Variants in TAOK1 observed in about 807,000 individuals in gnomAD.
The protein encoded by TAOK1 is TAO kinase 1, also known as serine/threonine-protein kinase TAO1.
A neutral mutation model predicts 138.3 loss-of-function variants in TAOK1; 21 were observed. The ratio of observed to expected loss-of-function variants is 0.15; its 90% CI spans 0.11 to 0.22. TAOK1 has a LOEUF of 0.22. Among genes scored for constraint, TAOK1 ranks in the 10% least tolerant of loss-of-function variants. The pLI is 1.00. For missense variants in TAOK1, 651 were observed against 1,227.7 expected (o/e 0.53, Z 7.02); for synonymous variants, 361 against 398.4 (o/e 0.91, Z 1.12).
chr17:29,453,040 C>T (rs2153024365), intron 2 of TAOK1, among the ~76,000 whole-genome samples: 1 of 152,162 alleles, frequency 6.6e-6, no homozygotes, highest in African/African-American at 2.4e-5. Context: ...GTTTGTGGGA[C>T]TGCCTAACTG....
chr17:29,445,333 A>G (rs930935252), intron 1 of TAOK1: 19 of 152,400 alleles, frequency 1.2e-4, no homozygotes, highest in African/African-American at 4.6e-4. Flanking sequence ...TTTGCGTGTC[A>G]TCCTTGTGCA....
rs779844048 is a variant in TAOK1 at position 29,542,903 on chromosome 17, C to T, written c.2887C>T (p.Arg963Cys). The T allele has an allele frequency of 3.7e-6, 6 of 1,613,848 alleles. No homozygotes were observed. Among genetic ancestry groups the T allele is most frequent in the East Asian group, 2.2e-5 (1 of 44,880 alleles). The stretch of plus-strand genomic sequence containing the variant: ...ACCTCGAGGTAGCAGTATGGGAGTC[C>T]GCAATAGCCCCCAGGCTCTGAGGCG... ...GVPRGSSMGV[R>C]NSPQALRRTA... Residue 963 changes from arginine (R) to cysteine (C), a missense_variant, in exon 20 of 20, where the codon CGC (arginine) becomes TGC (cysteine). This residue lies in a region of TAOK1 where 108 missense variants were observed against 120.3 expected (regional missense o/e 0.90). Transcript: ENST00000261716.
chr17:29,423,020 G>GT (rs1373725818), intron 1 of TAOK1, among the ~76,000 whole-genome samples: 1 of 151,792 alleles, frequency 6.6e-6, no homozygotes, highest in Non-Finnish European at 1.5e-5. Flanking sequence ...GCAAGACACC[G>GT]TTTCAACGAC....
At chr17:29,439,420 G>C (rs1027666099) in intron 1 of TAOK1, among the ~76,000 whole-genome samples, 1 of 151,962 alleles carries the variant, frequency 6.6e-6, no homozygotes, top group Admixed American at 6.6e-5. Flanking sequence ...GATCAGGCTG[G>C]TCTTGAACTC....
At chr17:29,410,973 GCTGT>G (rs950857589) in intron 1 of TAOK1, among the ~76,000 whole-genome samples, 3 of 151,752 alleles carry the variant, frequency 2.0e-5, no homozygotes, top group East Asian at 1.9e-4. Context: ...TACTTAAAAG[GCTGT>G]CTTTTTCTCT....
chr17:29,542,795 G>A lies in TAOK1; in HGVS notation c.2779G>A (p.Gly927Ser), dbSNP rs1430340100. The stretch of plus-strand genomic sequence containing the variant: ...AGGACCTCACTGGGGTCATCCCATG[G>A]GTGGCCCACCACAAGCTTGGGGCCA... The part of the protein sequence containing the change: ...GPGPHWGHPM[G>S]GPPQAWGHPM... The change falls in exon 20 of 20, where the codon GGT becomes AGT. Residue 927 changes from glycine to serine, a missense_variant. Gly to Ser is a moderately conservative substitution (Grantham distance 56, BLOSUM62 0). Transcript: ENST00000261716. The A allele has an allele frequency of 6.2e-7, 1 of 1,614,108 alleles. No individual in the cohort carries two copies.
At chr17:29,511,161 G>A in intron 15 of TAOK1, 169 bp downstream of exon 15, 3 of 422,260 alleles carry the variant, frequency 7.1e-6, no homozygotes, top group Non-Finnish European at 1.2e-5. Flanking sequence ...CCTTAACTGA[G>A]TCATTTAGTT....
chr17:29,507,040 A>G (rs950288501), intron 13 of TAOK1, among the ~76,000 whole-genome samples: 2 of 152,220 alleles, frequency 1.3e-5, no homozygotes, highest in African/African-American at 2.4e-5. Context: ...CAGAATAAGT[A>G]TATCTATAGA....
chr17:29,492,765 C>G (rs2031323490), intron 10 of TAOK1, among the ~76,000 whole-genome samples: 1 of 152,014 alleles, frequency 6.6e-6, no homozygotes, highest in Non-Finnish European at 1.5e-5. Flanking sequence ...GCACTCCAGC[C>G]TGGGCAACAA....
At chr17:29,404,582 A>G (rs1904941327) in intron 1 of TAOK1, among the ~76,000 whole-genome samples, 1 of 152,184 alleles carries the variant, frequency 6.6e-6, no homozygotes, top group East Asian at 1.9e-4. Flanking sequence ...GCTTGAGCCC[A>G]GGAACTCAAG....
At chr17:29,400,344 C>T (rs1204996470) in intron 1 of TAOK1, among the ~76,000 whole-genome samples, 3 of 147,740 alleles carry the variant, frequency 2.0e-5, no homozygotes, top group Non-Finnish European at 4.4e-5. Context: ...GAGCCGAGAT[C>T]GCGCCATTGC....
intron 1 of TAOK1, among the ~76,000 whole-genome samples, chr17:29,409,537 G>A (rs529034558): frequency 1.9e-4 from 29 of 151,556 alleles, no homozygotes; most frequent in Non-Finnish European, 3.8e-4. Flanking sequence ...GTTTCACCAT[G>A]TTAGTCAGGA....
At position 29,476,100 on chromosome 17, in the gene TAOK1, C is replaced by T. The variant is rs534663484; in HGVS notation, c.306+329C>T. Among the ~76,000 whole-genome samples, 11 of 152,268 alleles carry T rather than the reference C, an allele frequency of 7.2e-5. No homozygotes were observed. The East Asian group carries it at 1.5e-3, about 21-fold the overall frequency. On this transcript the variant is annotated intron_variant, in intron 4 of 19. Transcript: ENST00000261716. ...TGAAAGTTAGCATATGTTTTCTTGA[C>T]ATAAATGTACTGTAATGCATTTAAC...
At chr17:29,435,721 G>A (rs1004360379) in intron 1 of TAOK1, among the ~76,000 whole-genome samples, 3 of 152,218 alleles carry the variant, frequency 2.0e-5, no homozygotes, top group African/African-American at 7.2e-5. Flanking sequence ...TTAAAGGGGA[G>A]CATACCCTTC....
intron 3 of TAOK1, among the ~76,000 whole-genome samples, chr17:29,475,072 C>T (rs1264151735): frequency 1.3e-5 from 2 of 151,980 alleles, no homozygotes; most frequent in East Asian, 3.9e-4. Context: ...TCCCGAGTAC[C>T]TGGGACTATA....
intron 1 of TAOK1, among the ~76,000 whole-genome samples, chr17:29,400,904 CTTTTTTT>C (rs10539936): frequency 5.7e-5 from 6 of 105,276 alleles, no homozygotes; most frequent in Non-Finnish European, 7.4e-5. Context: ...TTGTTTGCCT[CTTTTTTT>C]TTTTTTTTTT....
rs540330471 is a variant in TAOK1 at position 29,548,958 on chromosome 17, G to C, written c.*5936G>C. The C allele has an allele frequency of 6.6e-6, 1 of 152,250 alleles. No individual in the cohort carries two copies. Among genetic ancestry groups the C allele is most frequent in the African/African-American group, 2.4e-5 (1 of 41,556 alleles). The allele number at this position is 152,250 out of a possible 1,614,324, so 9.4% of individuals were successfully genotyped here. A position where few individuals can be genotyped will look rare whatever the true frequency, so the allele number is the denominator to read the frequency against. Reference sequence around the variant, plus strand: ...TGAAATAATTTTATTTAATATAAATGATCACATGTCCTCAATCATGAATGA... The same window carrying C: ...TGAAATAATTTTATTTAATATAAATCATCACATGTCCTCAATCATGAATGA... On this transcript the variant is annotated 3_prime_UTR_variant, in exon 20 of 20. Coordinates refer to ENST00000261716, the MANE Select transcript of TAOK1 (RefSeq NM_020791.4).
intron 3 of TAOK1, among the ~76,000 whole-genome samples, chr17:29,472,380 G>A (rs1284207354): frequency 6.6e-6 from 1 of 150,752 alleles, no homozygotes; most frequent in Non-Finnish European, 1.5e-5. Flanking sequence ...AGCCTCTCGA[G>A]TAACTGAGAT....
intron 1 of TAOK1, among the ~76,000 whole-genome samples, chr17:29,438,110 T>C (rs1035856318): frequency 1.3e-5 from 2 of 152,198 alleles, no homozygotes; most frequent in Non-Finnish European, 2.9e-5. Flanking sequence ...AAGGGGATGG[T>C]ATTGAGAAGA....
Sources: allele counts gnomAD v4.1 joint callset (sites outside exome capture counted in the v4.1 genomes callset), GRCh38; gene constraint gnomAD v4.1.1; regional missense constraint gnomAD v4.1.1; transcripts MANE v1.5; gene names NCBI Gene and HGNC (gene_info 2026-07-23, HGNC 2026-07-21).